PDE4D: variants seen among roughly 807,000 people sequenced by gnomAD.
PDE4D encodes 3',5'-cyclic-AMP phosphodiesterase 4D.
In PDE4D, 24 loss-of-function variants were observed where a neutral mutation model predicts 87.4. The observed-to-expected ratio is 0.27, with a 90% CI of 0.20 to 0.39. PDE4D has a LOEUF of 0.39. PDE4D is among the 10% of genes least tolerant of loss of function. The probability of loss-of-function intolerance (pLI) is 1.00; values close to 1 mark genes in which losing one functional copy is unlikely to be tolerated. For synonymous variants in PDE4D, 384 were observed against 383.2 expected, an observed-to-expected ratio of 1.00 and a Z score of -0.02; for missense variants, 714 against 1,041.0, an observed-to-expected ratio of 0.69 and a Z score of 4.32.
intron 3 of PDE4D, 30 bp from the exon 4 acceptor site, chr5:59,185,292 T>A (rs1742642211): frequency 2.6e-6 from 4 of 1,536,426 alleles, no homozygotes; most frequent in Non-Finnish European, 3.6e-6. Flanking sequence ...TTGAAACTTC[T>A]TGAGCTAAGG....
chr5:60,428,437 G>A (rs775598405), intron 1 of PDE4D, among the ~76,000 whole-genome samples: 7 of 152,010 alleles, frequency 4.6e-5, no homozygotes, highest in Non-Finnish European at 7.4e-5. Flanking sequence ...GGTGTTTAGT[G>A]GAATTCACTC....
chr5:59,915,195 G>C (rs1379785675), intron 3 of PDE4D, among the ~76,000 whole-genome samples: 2 of 152,072 alleles, frequency 1.3e-5, no homozygotes, highest in Non-Finnish European at 2.9e-5. Context: ...ACTCTCTTTT[G>C]TGGCTGAAGC....
At chr5:59,052,877 G>T (rs1358593925) in intron 5 of PDE4D, among the ~76,000 whole-genome samples, 1 of 152,016 alleles carries the variant, frequency 6.6e-6, no homozygotes, top group Non-Finnish European at 1.5e-5. Flanking sequence ...TGTGTTATTT[G>T]TTAAAAACTT....
intron 2 of PDE4D, among the ~76,000 whole-genome samples, chr5:60,103,507 T>C (rs1398283171): frequency 2.6e-5 from 4 of 152,148 alleles, no homozygotes; most frequent in Non-Finnish European, 1.5e-5. Flanking sequence ...ATGAAGAACA[T>C]GTAGCCAGGC....
At chr5:59,459,837 C>T (rs2153645528) in intron 1 of PDE4D, among the ~76,000 whole-genome samples, 1 of 152,288 alleles carries the variant, frequency 6.6e-6, no homozygotes, top group South Asian at 2.1e-4. Flanking sequence ...TGCCAGAATA[C>T]TAAACATTTC....
chr5:59,741,667 T>C (rs113666368), intron 1 of PDE4D, among the ~76,000 whole-genome samples: 7 of 152,334 alleles, frequency 4.6e-5, no homozygotes, highest in Non-Finnish European at 7.3e-5. Context: ...ACTGACTACA[T>C]GTCTAAAAGA....
intron 1 of PDE4D, among the ~76,000 whole-genome samples, chr5:59,600,751 T>G (rs1313370045): frequency 6.6e-6 from 1 of 152,176 alleles, no homozygotes; most frequent in African/African-American, 2.4e-5. Context: ...AAATAAGATC[T>G]TTAAGTTAAT....
intron 1 of PDE4D, among the ~76,000 whole-genome samples, chr5:59,812,194 G>A (rs1768432630): frequency 6.6e-6 from 1 of 152,186 alleles, no homozygotes; most frequent in South Asian, 2.1e-4. Context: ...TAGTCTTGGA[G>A]GTGAATCTGA....
At chr5:60,258,885 T>C (rs1749363715) in intron 1 of PDE4D, among the ~76,000 whole-genome samples, 3 of 151,948 alleles carry the variant, frequency 2.0e-5, no homozygotes, top group African/African-American at 7.2e-5. Context: ...GGACACAAAA[T>C]TATATATACA....
chr5:60,249,751 G>A (rs539299304), intron 1 of PDE4D, among the ~76,000 whole-genome samples: 5 of 151,996 alleles, frequency 3.3e-5, no homozygotes, highest in African/African-American at 1.2e-4. Flanking sequence ...ATAGAAAATG[G>A]GATGAGAAAA....
At chr5:59,629,041 T>A (rs1831245857) in intron 1 of PDE4D, among the ~76,000 whole-genome samples, 1 of 152,112 alleles carries the variant, frequency 6.6e-6, no homozygotes, top group Admixed American at 6.5e-5. Flanking sequence ...TCACTCACTA[T>A]CATGAGAACA....
At chr5:59,645,614 A>G (rs1471719339) in intron 1 of PDE4D, among the ~76,000 whole-genome samples, 1 of 152,136 alleles carries the variant, frequency 6.6e-6, no homozygotes, top group African/African-American at 2.4e-5. Context: ...CCTGATTACC[A>G]TGGTGCTGGT....
chr5:60,080,409 A>T (rs1773794467), intron 2 of PDE4D, among the ~76,000 whole-genome samples: 1 of 152,162 alleles, frequency 6.6e-6, no homozygotes, highest in African/African-American at 2.4e-5. Context: ...CAGAACTTCC[A>T]ATACAATGTA....
chr5:60,156,674 A>C (rs1197798414), intron 2 of PDE4D, among the ~76,000 whole-genome samples: 3 of 152,160 alleles, frequency 2.0e-5, no homozygotes, highest in Non-Finnish European at 4.4e-5. Context: ...ATAAAACAAA[A>C]TCACCCATAA....
intron 1 of PDE4D, among the ~76,000 whole-genome samples, chr5:60,487,451 C>T (rs1749241213): frequency 6.6e-6 from 1 of 152,278 alleles, no homozygotes; most frequent in African/African-American, 2.4e-5. Context: ...TTACAGTGAA[C>T]AAAAGTATTG....
chr5:59,065,067 TACACACACACACAC>T (rs10563874), intron 5 of PDE4D, among the ~76,000 whole-genome samples: 4,350 of 89,318 alleles, frequency 0.049, 202 homozygotes, highest in Admixed American at 0.14. Context: ...GATATATATA[TACACACACACACAC>T]ACACACACAC....
intron 6 of PDE4D, among the ~76,000 whole-genome samples, chr5:59,011,383 A>G (rs575380596): frequency 3.1e-4 from 47 of 152,206 alleles, no homozygotes; most frequent in Non-Finnish European, 5.4e-4. Context: ...ATCGCAAAGA[A>G]GCTAAAAACC....
At chr5:59,915,265 A>G (rs944838855) in intron 3 of PDE4D, among the ~76,000 whole-genome samples, 1 of 152,214 alleles carries the variant, frequency 6.6e-6, no homozygotes, top group African/African-American at 2.4e-5. Context: ...AGAATGGAAC[A>G]GTCTGAGGAT....
chr5:59,529,425 A>C (rs1269237466), intron 1 of PDE4D, among the ~76,000 whole-genome samples: 2 of 152,184 alleles, frequency 1.3e-5, no homozygotes, highest in Non-Finnish European at 2.9e-5. Context: ...CAGTGAAAGC[A>C]AGACCAAGCC....
Sources: gnomAD v4.1 joint callset for allele counts (sites outside exome capture counted in the v4.1 genomes callset) on GRCh38, gnomAD v4.1.1 for gene constraint, MANE v1.5 for transcripts, NCBI Gene and HGNC (gene_info 2026-07-23, HGNC 2026-07-21) for gene names.